The following THADA variants were observed in gnomAD, a reference collection of about 807,000 sequenced individuals.
THADA encodes THADA armadillo repeat containing.
A neutral mutation model predicts 219.8 loss-of-function variants in THADA; 213 were observed. That is an observed-to-expected ratio of 0.97 (90% CI 0.87 to 1.09). THADA has a LOEUF of 1.09. THADA is among the 50% of genes least tolerant of loss of function. The pLI is 0.00. For synonymous variants in THADA, 1,018 were observed against 828.9 expected, an observed-to-expected ratio of 1.23 and a Z score of -3.92; for missense variants, 2,956 against 2,311.3, an observed-to-expected ratio of 1.28 and a Z score of -5.72.
Position 43,327,000 on chromosome 2 carries a change from G to T in THADA, c.4344-6460C>A, listed in dbSNP as rs183858894. Among the ~76,000 whole-genome samples the T allele has an allele frequency of 5.6e-4, 85 of 152,248 alleles. 1 individual carries two copies. Among genetic ancestry groups the T allele is most frequent in the African/African-American group, 1.9e-3 (79 of 41,534 alleles). On this transcript the variant is annotated intron_variant, in intron 30 of 37. Transcript: ENST00000405975. ...CAGTACGGGGGATATCCTACATGGG[G>T]TGGGAAGGGGAGGGAGAGGAAAAGG...
intron 31 of THADA, among the ~76,000 whole-genome samples, chr2:43,297,712 C>T (rs1261378822): frequency 2.6e-5 from 3 of 115,684 alleles, no homozygotes; most frequent in East Asian, 2.6e-4. Context: ...CCACCCCGTC[C>T]GGGAGGGAGG....
intron 26 of THADA, among the ~76,000 whole-genome samples, chr2:43,432,404 T>C (rs1014794334): frequency 1.4e-4 from 22 of 152,194 alleles, no homozygotes; most frequent in South Asian, 8.3e-4. Context: ...TATTCCATTA[T>C]ATGAATCTGT....
At chr2:43,534,605 T>C (rs551517784) in intron 21 of THADA, among the ~76,000 whole-genome samples, 3 of 152,206 alleles carry the variant, frequency 2.0e-5, no homozygotes, top group Non-Finnish European at 4.4e-5. Context: ...CTTAACATAA[T>C]GTCCTCCAGT....
At chr2:43,452,650 A>C (rs1682485973) in intron 26 of THADA, among the ~76,000 whole-genome samples, 1 of 152,172 alleles carries the variant, frequency 6.6e-6, no homozygotes, top group Non-Finnish European at 1.5e-5. Context: ...GCTGTCAATC[A>C]GCCTGGTCAG....
rs563445003 is a variant in THADA, at chr2:43,508,029, T to C, written c.3507+619A>G. Among the ~76,000 whole-genome samples, 72 of 152,228 alleles carry C rather than the reference T, an allele frequency of 4.7e-4. 2 individuals carry two copies. The South Asian group carries it at 0.015, about 31-fold the overall frequency. On this transcript the variant is annotated intron_variant, in intron 23 of 37. Transcript: ENST00000405975. ...AGAGAGGTTCGGGAGTCAGGCTGCC[T>C]GGGCTCAAGTCTTAACTCAGTTCTT... is the stretch of plus-strand genomic sequence containing the variant.
intron 3 of THADA, 74 bp from the exon 4 acceptor site, chr2:43,591,028 G>T (rs1701504714): frequency 2.8e-6 from 4 of 1,438,390 alleles, no homozygotes; most frequent in Non-Finnish European, 2.9e-6. Flanking sequence ...GATACTCTTT[G>T]AAGTCTCAAT....
At chr2:43,416,893 C>G (rs1341434832) in intron 28 of THADA, among the ~76,000 whole-genome samples, 1 of 152,116 alleles carries the variant, frequency 6.6e-6, no homozygotes, top group Non-Finnish European at 1.5e-5. Flanking sequence ...AGTAACAAAA[C>G]CTTCCTTTCA....
intron 22 of THADA, among the ~76,000 whole-genome samples, chr2:43,525,300 A>C (rs1357107586): frequency 6.6e-6 from 1 of 152,216 alleles, no homozygotes; most frequent in African/African-American, 2.4e-5. Context: ...GATGGCTACC[A>C]CAACATCTCC....
intron 36 of THADA, among the ~76,000 whole-genome samples, chr2:43,265,999 G>A (rs1039118225): frequency 6.8e-6 from 1 of 147,170 alleles, no homozygotes; most frequent in East Asian, 2.0e-4. Context: ...ACAGACTCTT[G>A]AGGGTCTGAA....
intron 36 of THADA, among the ~76,000 whole-genome samples, chr2:43,252,397 C>G (rs1346942794): frequency 6.6e-6 from 1 of 152,162 alleles, no homozygotes; most frequent in African/African-American, 2.4e-5. Flanking sequence ...ATGTGCAAGG[C>G]ACTATCATAT....
chr2:43,322,129 G>A (rs1678786691), intron 30 of THADA, among the ~76,000 whole-genome samples: 1 of 151,812 alleles, frequency 6.6e-6, no homozygotes, highest in Non-Finnish European at 1.5e-5. Flanking sequence ...TCCACCTCCT[G>A]AATTCGTGAT....
chr2:43,260,076 C>T (rs745480728), intron 36 of THADA, among the ~76,000 whole-genome samples: 1 of 152,060 alleles, frequency 6.6e-6, no homozygotes, highest in Admixed American at 6.5e-5. Context: ...CTATGCCTCC[C>T]GGGTTCAAGC....
At position 43,364,776 on chromosome 2, in the gene THADA, A is replaced by G. The variant is rs552337024; in HGVS notation, c.4228-20539T>C. On this transcript the variant is annotated intron_variant, in intron 29 of 37. Coordinates refer to ENST00000405975, the MANE Select transcript of THADA (RefSeq NM_022065.5). ...TAGGGCAGGACAAGGCCTGGTTATT[A>G]GAGGAAGGTCCATGGAGTTAGAGAT... is the stretch of plus-strand genomic sequence containing the variant. Among the ~76,000 whole-genome samples, 7 of 152,322 alleles carry G rather than the reference A, an allele frequency of 4.6e-5. No individual in the cohort carries two copies. In the South Asian group the frequency reaches 6.2e-4, roughly 14 times the overall value.
chr2:43,456,047 CAG>C (rs146574266), intron 26 of THADA, among the ~76,000 whole-genome samples: 2,702 of 152,298 alleles, frequency 0.018, 40 homozygotes, highest in African/African-American at 0.044. Context: ...CCTTTCCCAA[CAG>C]AGACTCATTG....
chr2:43,454,975 T>G (rs921898306), intron 26 of THADA, among the ~76,000 whole-genome samples: 1 of 152,144 alleles, frequency 6.6e-6, no homozygotes, highest in Non-Finnish European at 1.5e-5. Context: ...TGACGAGTCT[T>G]GGGGTGAATC....
At chr2:43,560,507 T>C (rs907264567) in intron 15 of THADA, 122 bp from the exon 16 acceptor site, 207 of 606,402 alleles carry the variant, frequency 3.4e-4, no homozygotes, top group Non-Finnish European at 6.5e-5. Context: ...ACTTTACCCA[T>C]GATAGCTAAA....
intron 29 of THADA, among the ~76,000 whole-genome samples, chr2:43,353,422 C>G (rs1348956649): frequency 6.6e-6 from 1 of 152,102 alleles, no homozygotes; most frequent in Non-Finnish European, 1.5e-5. Context: ...GAATGCAAAT[C>G]AAATGATTAG....
chr2:43,284,580 T>C (rs1053565584), intron 35 of THADA, among the ~76,000 whole-genome samples: 1 of 151,658 alleles, frequency 6.6e-6, no homozygotes, highest in Non-Finnish European at 1.5e-5. Flanking sequence ...GCTGCAGGAG[T>C]GGGGCCCTCA....
intron 36 of THADA, among the ~76,000 whole-genome samples, chr2:43,246,775 T>C (rs1669199197): frequency 6.6e-6 from 1 of 152,324 alleles, no homozygotes; most frequent in South Asian, 2.1e-4. Context: ...TCAAGGCCTT[T>C]CCTATCTGTC....
Sources: allele counts gnomAD v4.1 joint callset (sites outside exome capture counted in the v4.1 genomes callset), GRCh38; gene constraint gnomAD v4.1.1; transcripts MANE v1.5; gene names NCBI Gene and HGNC (gene_info 2026-07-23, HGNC 2026-07-21).